The following THSD7A variants were observed in gnomAD, a reference collection of about 807,000 sequenced individuals.
THSD7A encodes the protein thrombospondin type 1 domain containing 7A.
A neutral mutation model predicts 231.3 loss-of-function variants in THSD7A; 96 were observed. That is an observed-to-expected ratio of 0.41 (90% CI 0.35 to 0.49). The LOEUF is 0.49. Ranked by LOEUF, THSD7A falls within the 20% of genes least tolerant of loss-of-function variation. The pLI is 0.05. For synonymous variants in THSD7A, 940 were observed against 743.3 expected, an observed-to-expected ratio of 1.26 and a Z score of -4.30; for missense variants, 2,290 against 2,070.2, an observed-to-expected ratio of 1.11 and a Z score of -2.06.
In THSD7A at chr7:11,535,378, T is replaced by G. The variant is rs370645454; in HGVS notation, c.1822+6041A>C. On this transcript the variant is annotated intron_variant, in intron 6 of 27. Transcript: ENST00000423059. ...AATCAGAGTATCTGATGCCAAGTTT[T>G]TATAGTCCAAAATAAAATGGTGATT... Among the ~76,000 whole-genome samples, 7 of 152,038 alleles carry G rather than the reference T, an allele frequency of 4.6e-5. No individual in the cohort carries two copies. The East Asian group carries it at 1.4e-3, about 29-fold the overall frequency.
intron 1 of THSD7A, among the ~76,000 whole-genome samples, chr7:11,680,726 A>T (rs1783835651): frequency 6.6e-6 from 1 of 152,138 alleles, no homozygotes; most frequent in South Asian, 2.1e-4. Flanking sequence ...GATGTGGAGA[A>T]ATAAGAATGC....
chr7:11,447,446 G>A (rs765889121), intron 11 of THSD7A, 22 bp from the exon 12 acceptor site: 5 of 1,493,682 alleles, frequency 3.3e-6, no homozygotes, highest in Non-Finnish European at 4.5e-6. Context: ...GCATAAAGCT[G>A]TTATAACAAA....
chr7:11,429,604 C>A (rs540702751), intron 13 of THSD7A, among the ~76,000 whole-genome samples: 50 of 152,334 alleles, frequency 3.3e-4, no homozygotes, highest in African/African-American at 9.9e-4. Context: ...TAGCATCTTG[C>A]GTTTCTCCTT....
In THSD7A at chr7:11,373,586, T is replaced by C. The variant is rs1288079902; in HGVS notation, c.*2208A>G. 1.3e-5 allele frequency: 2 copies of C among 152,062 alleles called. No individual in the cohort carries two copies. Among genetic ancestry groups the C allele is most frequent in the East Asian group, 3.8e-4 (2 of 5,196 alleles). 9.4% of individuals were successfully genotyped at this position (152,062 alleles called of 1,614,324 possible). Reference sequence around the variant, plus strand: ...CCTGTTCTCTTTGAAATGATTTACATTTCCTAATATAGTGAATATTGAATG... The same window carrying C: ...CCTGTTCTCTTTGAAATGATTTACACTTCCTAATATAGTGAATATTGAATG... On this transcript the variant is annotated 3_prime_UTR_variant, in exon 28 of 28. Transcript: ENST00000423059.
rs573190049 is a variant in THSD7A at position 11,735,443 on chromosome 7, A to G, written c.190+96314T>C. ...TTAAACAAACTTTGCTTCATGCACA[A>G]AATTATTTGAAATCTTGCATAAAAT... On this transcript the variant is annotated intron_variant, in intron 1 of 27. Transcript: ENST00000423059. 2.6e-4 allele frequency among the ~76,000 whole-genome samples: 39 copies of G among 152,044 alleles called. 1 individual carries two copies. The highest frequency in any genetic ancestry group is 8.4e-4 in the African/African-American group (35 of 41,544).
intron 9 of THSD7A, among the ~76,000 whole-genome samples, chr7:11,464,616 G>C (rs1051536367): frequency 6.6e-6 from 1 of 152,064 alleles, no homozygotes; most frequent in Non-Finnish European, 1.5e-5. Context: ...ATTAGTACTA[G>C]ATATATAAGA....
intron 12 of THSD7A, 56 bp downstream of exon 12, chr7:11,447,174 G>T: frequency 6.5e-7 from 1 of 1,527,638 alleles, no homozygotes; most frequent in Non-Finnish European, 9.0e-7. Flanking sequence ...AGTCTGACTT[G>T]TATTATGTTC....
intron 2 of THSD7A, among the ~76,000 whole-genome samples, chr7:11,608,952 T>C (rs967161954): frequency 1.3e-5 from 2 of 152,182 alleles, no homozygotes; most frequent in African/African-American, 2.4e-5. Context: ...CAAATCCCTA[T>C]ACAGAACATT....
At position 11,447,743 on chromosome 7, in the gene THSD7A, T is replaced by A. The variant is rs576637297; in HGVS notation, c.2606-319A>T. On this transcript the variant is annotated intron_variant, in intron 11 of 27. Transcript: ENST00000423059. ...ATGTAGGGTATATTTAGAAATAAAT[T>A]TGTAAGAATGTAAGACAAACCATAC... 2.6e-5 allele frequency among the ~76,000 whole-genome samples: 4 copies of A among 152,278 alleles called. No individual in the cohort carries two copies. The East Asian group carries it at 7.7e-4, about 29-fold the overall frequency.
chr7:11,738,841 C>T (rs530750444), intron 1 of THSD7A, among the ~76,000 whole-genome samples: 69 of 151,962 alleles, frequency 4.5e-4, no homozygotes, highest in Non-Finnish European at 7.9e-4. Context: ...TAACCAAAGT[C>T]CTGCCATTAC....
Position 11,484,874 on chromosome 7 carries a change from A to ATTTTTTTTTTTTTTTTTTTTT in THSD7A, c.1823-2913_1823-2893dup, listed in dbSNP as rs56353626. On this transcript the variant is annotated intron_variant, in intron 6 of 27. Transcript: ENST00000423059. ...CTCAACCCACTGAATCACAACCTTA[A>ATTTTTTTTTTTTTTTTTTTTT]TTTTTTTTTTTTTTTTTTTTTTTTT... Among the ~76,000 whole-genome samples, 24 of 53,810 alleles carry ATTTTTTTTTTTTTTTTTTTTT rather than the reference A, an allele frequency of 4.5e-4. 4 individuals are homozygous for ATTTTTTTTTTTTTTTTTTTTT. Among genetic ancestry groups the ATTTTTTTTTTTTTTTTTTTTT allele is most frequent in the Admixed American group, 7.7e-4 (2 of 2,590 alleles). 35.3% of individuals were successfully genotyped at this position (53,810 alleles called of 152,430 possible).
At position 11,524,885 on chromosome 7, in the gene THSD7A, G is replaced by C. The variant is rs554496139; in HGVS notation, c.1822+16534C>G. ...AAAGGAAGAGTTCAAAAAAAGAAAG[G>C]CTTTTTGTTCTTTTTCCTGAATTTG... On this transcript the variant is annotated intron_variant, in intron 6 of 27. Transcript: ENST00000423059. 1.0e-3 allele frequency among the ~76,000 whole-genome samples: 157 copies of C among 152,250 alleles called. 1 individual carries two copies. Among genetic ancestry groups the C allele is most frequent in the Non-Finnish European group, 1.9e-3 (132 of 68,000 alleles).
rs919999352 is a variant in THSD7A at position 11,639,256 on chromosome 7, A to G, written c.191-2295T>C. Among the ~76,000 whole-genome samples the G allele has an allele frequency of 7.9e-5, 12 of 152,352 alleles. No homozygotes were observed. In the East Asian group the frequency reaches 2.3e-3, roughly 29 times the overall value. ...TTATGAAATTAGACTGACTAATCAGATTGAGGCTACTAGTCTTTTATCCTC... is the reference window on the plus strand; with the variant it reads ...TTATGAAATTAGACTGACTAATCAGGTTGAGGCTACTAGTCTTTTATCCTC... On this transcript the variant is annotated intron_variant, in intron 1 of 27. Coordinates refer to ENST00000423059, the MANE Select transcript of THSD7A (RefSeq NM_015204.3).
At chr7:11,603,108 A>G (rs921891752) in intron 2 of THSD7A, among the ~76,000 whole-genome samples, 2 of 151,222 alleles carry the variant, frequency 1.3e-5, no homozygotes, top group Non-Finnish European at 3.0e-5. Context: ...AAATGGGAGA[A>G]AATTTTCGCA....
Position 11,474,498 on chromosome 7 carries a change from C to G in THSD7A, c.2088G>C (p.Val696=), listed in dbSNP as rs749967568. Residue 696 remains valine, a synonymous_variant, in exon 8 of 28, where the codon GTG becomes GTC. Coordinates refer to ENST00000423059, the MANE Select transcript of THSD7A (RefSeq NM_015204.3). The surrounding 1 kb of genome is among the most constrained non-coding windows in gnomAD (Gnocchi z 4.1). ...VRSCNEHPCT[V]YHWQTGPWGQ... ...CCCAGGGACCAGTTTGCCAGTGGTA[C>G]ACTGTGCAAGGATGCTCATTACAGC... 6.2e-7 allele frequency: 1 copy of G among 1,613,470 alleles called. No individual in the cohort carries two copies. The highest frequency in any genetic ancestry group is 1.3e-5 in the African/African-American group (1 of 74,908).
intron 4 of THSD7A, among the ~76,000 whole-genome samples, chr7:11,567,569 C>T (rs1177468748): frequency 6.6e-6 from 1 of 152,190 alleles, no homozygotes; most frequent in Non-Finnish European, 1.5e-5. Context: ...AATTCTCACC[C>T]TGGGCCATAA....
At chr7:11,656,407 G>T (rs79865941) in intron 1 of THSD7A, among the ~76,000 whole-genome samples, 6,757 of 151,870 alleles carry the variant, frequency 0.044, 180 homozygotes, top group East Asian at 0.13. Flanking sequence ...AAGGTACAAC[G>T]GTCATAGGGG....
chr7:11,607,472 G>A (rs2128347390), intron 2 of THSD7A, among the ~76,000 whole-genome samples: 1 of 151,660 alleles, frequency 6.6e-6, no homozygotes, highest in Middle Eastern at 3.4e-3. Flanking sequence ...CAATAAAATT[G>A]TTCAACATTT....
At chr7:11,732,391 C>G (rs551829241) in intron 1 of THSD7A, among the ~76,000 whole-genome samples, 1 of 151,772 alleles carries the variant, frequency 6.6e-6, no homozygotes, top group Non-Finnish European at 1.5e-5. Flanking sequence ...TACTGCCGGA[C>G]GCATAGTGCA....
Sources: gnomAD v4.1 joint callset for allele counts (sites outside exome capture counted in the v4.1 genomes callset) on GRCh38, gnomAD v4.1.1 for gene constraint, Gnocchi (gnomAD v3.1) non-coding constraint, MANE v1.5 for transcripts, NCBI Gene and HGNC (gene_info 2026-07-23, HGNC 2026-07-21) for gene names.